Variants in SHC3 observed in about 807,000 individuals in gnomAD.
SHC3 encodes SHC-transforming protein 3.
In SHC3, 15 loss-of-function variants were observed where a neutral mutation model predicts 60.4. The ratio of observed to expected loss-of-function variants is 0.25; its 90% CI spans 0.17 to 0.38. SHC3 has a LOEUF of 0.38. Ranked by LOEUF, SHC3 falls within the 10% of genes least tolerant of loss-of-function variation. The pLI, the probability that SHC3 is intolerant of heterozygous loss-of-function variation, is 1.00. For missense variants in SHC3, 677 were observed against 786.1 expected, an observed-to-expected ratio of 0.86 and a Z score of 1.66; for synonymous variants, 294 against 325.9, an observed-to-expected ratio of 0.90 and a Z score of 1.05.
intron 9 of SHC3, among the ~76,000 whole-genome samples, chr9:89,043,550 G>T (rs971625778): frequency 1.3e-5 from 2 of 152,170 alleles, no homozygotes; most frequent in South Asian, 4.1e-4. Context: ...AGGAGGACAC[G>T]TGCCATCGTG....
chr9:89,050,288 G>T (rs545150046), intron 7 of SHC3, among the ~76,000 whole-genome samples: 11 of 152,252 alleles, frequency 7.2e-5, no homozygotes, highest in Middle Eastern at 3.4e-3. Context: ...GTTGTTGTTT[G>T]TGTGTTTGAT....
intron 1 of SHC3, among the ~76,000 whole-genome samples, chr9:89,120,405 A>G (rs1456449574): frequency 6.6e-6 from 1 of 152,204 alleles, no homozygotes; most frequent in Non-Finnish European, 1.5e-5. Flanking sequence ...AAATAGGCAA[A>G]GGGTACAAAA....
intron 11 of SHC3, among the ~76,000 whole-genome samples, chr9:89,018,770 T>A (rs1340821401): frequency 6.6e-6 from 1 of 150,664 alleles, no homozygotes; most frequent in African/African-American, 2.4e-5. Context: ...AAAGAATATC[T>A]ATGGGCTGGG....
rs765783257 is a variant in SHC3, at chr9:89,178,355, C to T, written c.106G>A (p.Ala36Thr). ...GCCGCCGCCGGGGTCGCGCGCGCCG[C>T]CGAAACCTTGCCTCCGCCGCCGCTC... ...SVSGGGGKVS[A>T]ARATPAAAPY... The change falls in exon 1 of 12, where the codon GCG becomes ACG. Residue 36 changes from alanine to threonine, a missense_variant. By Grantham distance (58) the Ala-to-Thr change is moderately conservative. Coordinates refer to ENST00000375835, the MANE Select transcript of SHC3 (RefSeq NM_016848.6). The surrounding 1 kb of genome is among the most constrained non-coding windows in gnomAD (Gnocchi z 6.9). 6.3e-7 allele frequency: 1 copy of T among 1,594,260 alleles called. No individual in the cohort carries two copies. Among genetic ancestry groups the T allele is most frequent in the South Asian group, 1.1e-5 (1 of 88,800 alleles).
chr9:89,151,069 AGTGCAGTGCT>A (rs1177137616), intron 1 of SHC3, among the ~76,000 whole-genome samples: 1 of 149,282 alleles, frequency 6.7e-6, no homozygotes, highest in Admixed American at 6.7e-5. Context: ...CCCAGGCTGG[AGTGCAGTGCT>A]GTGGTCACTG....
chr9:89,144,145 G>A (rs57403327), intron 1 of SHC3, among the ~76,000 whole-genome samples: 10,976 of 152,244 alleles, frequency 0.072, 1,280 homozygotes, highest in African/African-American at 0.25. Context: ...GTGTGCATAC[G>A]CACAGAAAAG....
intron 11 of SHC3, among the ~76,000 whole-genome samples, chr9:89,017,635 A>C (rs1395529151): frequency 1.3e-5 from 2 of 152,242 alleles, no homozygotes; most frequent in Non-Finnish European, 2.9e-5. Context: ...ACAAAAGCCA[A>C]AATTGACAAA....
intron 1 of SHC3, among the ~76,000 whole-genome samples, chr9:89,142,666 ACT>A (rs1331410157): frequency 1.5e-5 from 2 of 136,404 alleles, no homozygotes; most frequent in African/African-American, 2.7e-5. Flanking sequence ...ACAGAGTGAG[ACT>A]CTGTCAAAAA....
At chr9:89,162,846 T>G (rs1293591088) in intron 1 of SHC3, among the ~76,000 whole-genome samples, 1 of 146,700 alleles carries the variant, frequency 6.8e-6, no homozygotes, top group Non-Finnish European at 1.5e-5. Flanking sequence ...GCTACTCATC[T>G]GACAAAGGGC....
At chr9:89,022,673 C>G (rs1052342876) in intron 11 of SHC3, among the ~76,000 whole-genome samples, 1 of 152,092 alleles carries the variant, frequency 6.6e-6, no homozygotes, top group Non-Finnish European at 1.5e-5. Context: ...GCATGTGCAC[C>G]CAGAGGACCA....
Position 89,013,513 on chromosome 9 carries a change from G to A in SHC3, c.1719C>T (p.Ser573=), listed in dbSNP as rs1826043681. The A allele has an allele frequency of 1.9e-6, 3 of 1,614,070 alleles. No homozygotes were observed. The highest frequency in any genetic ancestry group is 2.5e-6 in the Non-Finnish European group (3 of 1,179,982). The change falls in exon 12 of 12, where the codon AGC becomes AGT. Residue 573 remains serine (S), a synonymous_variant. Transcript: ENST00000375835. ...TCCCTGCAGAGACAATGGGCAGGCT[G>A]CTTTCTAGGTGGTGGTTGATGAGGT... The part of the protein sequence containing the change: ...ISHLINHHLE[S]SLPIVSAGSE...
intron 2 of SHC3, among the ~76,000 whole-genome samples, chr9:89,093,666 C>A (rs1216075439): frequency 1.4e-5 from 2 of 141,210 alleles, no homozygotes; most frequent in African/African-American, 5.4e-5. Flanking sequence ...CAAAAGCACT[C>A]AAAGGAAAGG....
intron 11 of SHC3, 137 bp downstream of exon 11, chr9:89,037,856 C>T (rs1014499685): frequency 8.8e-7 from 1 of 1,131,256 alleles, no homozygotes; most frequent in Non-Finnish European, 1.2e-6. Context: ...GTTGTCTGTC[C>T]CTGCGTTCCC....
At chr9:89,057,637 A>T (rs1315829733) in intron 6 of SHC3, among the ~76,000 whole-genome samples, 1 of 152,182 alleles carries the variant, frequency 6.6e-6, no homozygotes, top group Non-Finnish European at 1.5e-5. Context: ...CACAAAAAAA[A>T]ACATATACAA....
chr9:89,029,787 C>T (rs950234859), intron 11 of SHC3, among the ~76,000 whole-genome samples: 8 of 152,102 alleles, frequency 5.3e-5, no homozygotes, highest in African/African-American at 1.7e-4. Flanking sequence ...CAATTAGAAA[C>T]TTCAAGATTA....
intron 1 of SHC3, among the ~76,000 whole-genome samples, chr9:89,114,189 G>C (rs146666567): frequency 3.0e-3 from 462 of 152,252 alleles, no homozygotes; most frequent in Admixed American, 5.3e-3. Flanking sequence ...GAATTATGAA[G>C]ATACCACAAA....
At chr9:89,129,281 T>C (rs1462587401) in intron 1 of SHC3, among the ~76,000 whole-genome samples, 2 of 152,184 alleles carry the variant, frequency 1.3e-5, no homozygotes, top group Non-Finnish European at 2.9e-5. Context: ...CTACCTCTGA[T>C]TGGTGTACCT....
At chr9:89,060,058 G>A (rs1267394873) in intron 6 of SHC3, among the ~76,000 whole-genome samples, 1 of 149,624 alleles carries the variant, frequency 6.7e-6, no homozygotes, top group Non-Finnish European at 1.5e-5. Flanking sequence ...TGGAGGACAT[G>A]GTAGATGACA....
At chr9:89,129,323 A>G (rs984721081) in intron 1 of SHC3, among the ~76,000 whole-genome samples, 4 of 152,226 alleles carry the variant, frequency 2.6e-5, no homozygotes, top group Non-Finnish European at 4.4e-5. Flanking sequence ...ACCAAGTTGG[A>G]AAACACTCTG....
Sources: gnomAD v4.1 joint callset for allele counts (sites outside exome capture counted in the v4.1 genomes callset) on GRCh38, gnomAD v4.1.1 for gene constraint, Gnocchi (gnomAD v3.1) non-coding constraint, MANE v1.5 for transcripts, NCBI Gene and HGNC (gene_info 2026-07-23, HGNC 2026-07-21) for gene names.